The following MAGI3 variants were observed in gnomAD, a reference collection of about 807,000 sequenced individuals.
MAGI3 encodes membrane-associated guanylate kinase, WW and PDZ domain-containing protein 3.
In MAGI3, 43 loss-of-function variants were observed where a neutral mutation model predicts 121.8. That is an observed-to-expected ratio of 0.35 (90% CI 0.28 to 0.46). The LOEUF is 0.46. Ranked by LOEUF, MAGI3 falls within the 20% of genes least tolerant of loss-of-function variation. MAGI3 has a pLI of 1.00. For missense variants in MAGI3, 1,547 were observed against 1,797.3 expected (o/e 0.86, Z 2.52); for synonymous variants, 553 against 639.3 (o/e 0.86, Z 2.04).
chr1:113,621,989 C>T (rs955249533), intron 8 of MAGI3, among the ~76,000 whole-genome samples: 1 of 152,052 alleles, frequency 6.6e-6, no homozygotes, highest in Non-Finnish European at 1.5e-5. Context: ...TGCTAATGGG[C>T]ATGGGGATTT....
At chr1:113,424,916 C>T (rs1446424852) in intron 1 of MAGI3, among the ~76,000 whole-genome samples, 1 of 151,946 alleles carries the variant, frequency 6.6e-6, no homozygotes, top group Non-Finnish European at 1.5e-5. Flanking sequence ...GGTGGATCAC[C>T]TGAGGTCAGG....
At chr1:113,568,461 T>G (rs895935425) in intron 2 of MAGI3, among the ~76,000 whole-genome samples, 3 of 152,048 alleles carry the variant, frequency 2.0e-5, no homozygotes, top group African/African-American at 7.2e-5. Flanking sequence ...CCATAAAAAT[T>G]TCAGCCTTTT....
intron 2 of MAGI3, among the ~76,000 whole-genome samples, chr1:113,561,841 A>G (rs1044841732): frequency 6.6e-6 from 1 of 152,226 alleles, no homozygotes; most frequent in Non-Finnish European, 1.5e-5. Flanking sequence ...TGCCGATGAC[A>G]TGATCTCCTA....
At chr1:113,682,180 A>G (rs781248263) in intron 20 of MAGI3, 6 of 1,511,490 alleles carry the variant, frequency 4.0e-6, no homozygotes, top group Non-Finnish European at 3.5e-6. Flanking sequence ...TTTTTTTCAC[A>G]TAGTCCTAGG....
At chr1:113,440,189 T>A (rs998809563) in intron 1 of MAGI3, among the ~76,000 whole-genome samples, 4 of 152,208 alleles carry the variant, frequency 2.6e-5, no homozygotes, top group African/African-American at 9.6e-5. Context: ...GCTGGGCACA[T>A]GATAGATGCT....
rs71090712 is a variant in MAGI3, at chr1:113,611,936, C to CTTATTTATTTATTTATTTATTTAT, written c.1019-2654_1019-2631dup. Reference sequence around the variant, plus strand: ...ATCATCTCCCTCTCCCTAATCCCAACTTATTTATTTATTTATTTATTTATT... The same window carrying CTTATTTATTTATTTATTTATTTAT: ...ATCATCTCCCTCTCCCTAATCCCAACTTATTTATTTATTTATTTATTTATTTATTTATTTATTTATTTATTTATT... On this transcript the variant is annotated intron_variant, in intron 6 of 20. Coordinates refer to ENST00000307546, the MANE Select transcript of MAGI3 (RefSeq NM_001142782.2). Among the ~76,000 whole-genome samples the CTTATTTATTTATTTATTTATTTAT allele has an allele frequency of 2.1e-4, 29 of 138,768 alleles. 1 individual carries two copies. Among genetic ancestry groups the CTTATTTATTTATTTATTTATTTAT allele is most frequent in the Non-Finnish European group, 3.1e-4 (20 of 63,802 alleles). The allele number at this position is 138,768 out of a possible 152,430, so 91.0% of individuals were successfully genotyped here.
intron 6 of MAGI3, among the ~76,000 whole-genome samples, chr1:113,596,737 T>G (rs1217228): frequency 0.74 from 111,743 of 151,662 alleles, 41,692 homozygotes; most frequent in African/African-American, 0.78. Flanking sequence ...TATTAATCAT[T>G]AGGTGTTTTG....
Position 113,390,999 on chromosome 1 carries a change from C to T in MAGI3, c.-35C>T. ...GCCGGAGCGGCGCCCCGGCCGCCCG[C>T]GCGGGGTCTCCCCCATGGTGCAGCG... On this transcript the variant is annotated 5_prime_UTR_variant, in exon 1 of 21. Coordinates refer to ENST00000307546, the MANE Select transcript of MAGI3 (RefSeq NM_001142782.2). 6 of 1,501,738 alleles carry T rather than the reference C, an allele frequency of 4.0e-6. No individual in the cohort carries two copies. Among genetic ancestry groups the T allele is most frequent in the Non-Finnish European group, 5.3e-6 (6 of 1,130,126 alleles). The allele number at this position is 1,501,738 out of a possible 1,614,324, so 93.0% of individuals were successfully genotyped here.
intron 19 of MAGI3, among the ~76,000 whole-genome samples, chr1:113,680,839 T>A (rs1410767956): frequency 6.6e-6 from 1 of 152,114 alleles, no homozygotes; most frequent in African/African-American, 2.4e-5. Context: ...CATCTTCAAA[T>A]CAAGAACCAA....
chr1:113,588,767 G>A (rs985630335), intron 4 of MAGI3, among the ~76,000 whole-genome samples: 16 of 152,156 alleles, frequency 1.1e-4, no homozygotes, highest in Non-Finnish European at 7.4e-5. Flanking sequence ...ATAGTTTAAT[G>A]ATAGGAATTC....
chr1:113,504,042 G>C (rs1204798096), intron 1 of MAGI3, among the ~76,000 whole-genome samples: 2 of 151,950 alleles, frequency 1.3e-5, no homozygotes, highest in Non-Finnish European at 2.9e-5. Context: ...AGTGCATAGA[G>C]TAAAAAACTA....
chr1:113,657,807 T>C (rs1393696661), intron 15 of MAGI3, among the ~76,000 whole-genome samples: 1 of 152,202 alleles, frequency 6.6e-6, no homozygotes, highest in East Asian at 1.9e-4. Context: ...TAATAAGTGC[T>C]TGACATAATT....
At chr1:113,636,580 G>A (rs1371269452) in intron 9 of MAGI3, among the ~76,000 whole-genome samples, 1 of 152,086 alleles carries the variant, frequency 6.6e-6, no homozygotes, top group Admixed American at 6.6e-5. Flanking sequence ...TGATTGCACT[G>A]TGGTCTGAGA....
intron 6 of MAGI3, among the ~76,000 whole-genome samples, chr1:113,602,072 TG>T (rs1172521568): frequency 7.7e-5 from 11 of 141,966 alleles, no homozygotes; most frequent in African/African-American, 2.7e-4. Flanking sequence ...GGGACTGCTG[TG>T]GGGTGGGGGG....
At chr1:113,505,412 C>T (rs1318626822) in intron 1 of MAGI3, among the ~76,000 whole-genome samples, 3 of 151,872 alleles carry the variant, frequency 2.0e-5, no homozygotes, top group Admixed American at 2.0e-4. Flanking sequence ...AAACTTCTAA[C>T]AGCTTTTATT....
At chr1:113,649,922 A>G (rs1430967350) in intron 13 of MAGI3, among the ~76,000 whole-genome samples, 1 of 152,228 alleles carries the variant, frequency 6.6e-6, no homozygotes, top group Non-Finnish European at 1.5e-5. Context: ...TGATTCTCAC[A>G]TAAACTTGTT....
At chr1:113,555,012 GA>G (rs892107339) in intron 2 of MAGI3, among the ~76,000 whole-genome samples, 2 of 148,414 alleles carry the variant, frequency 1.3e-5, no homozygotes, top group Admixed American at 6.7e-5. Flanking sequence ...GCAAAATACA[GA>G]AAAAAAAGAT....
At chr1:113,506,590 A>G (rs1181507818) in intron 1 of MAGI3, among the ~76,000 whole-genome samples, 3 of 152,232 alleles carry the variant, frequency 2.0e-5, no homozygotes, top group Non-Finnish European at 4.4e-5. Context: ...CTTTTGCTAT[A>G]TTAAATCCTT....
intron 1 of MAGI3, among the ~76,000 whole-genome samples, chr1:113,467,091 C>G (rs940219431): frequency 2.6e-5 from 4 of 151,742 alleles, no homozygotes; most frequent in Non-Finnish European, 4.4e-5. Context: ...CTATAAACTT[C>G]CCTCTTAATA....
Sources: gnomAD v4.1 joint callset for allele counts (sites outside exome capture counted in the v4.1 genomes callset) on GRCh38, gnomAD v4.1.1 for gene constraint, MANE v1.5 for transcripts, NCBI Gene and HGNC (gene_info 2026-07-23, HGNC 2026-07-21) for gene names.